The following DLGAP2 variants were observed in gnomAD, a reference collection of about 807,000 sequenced individuals.
DLGAP2 encodes disks large-associated protein 2.
Under a neutral mutation model 100.3 loss-of-function variants are expected in DLGAP2, and 26 were observed. The observed-to-expected ratio is 0.26, with a 90% CI of 0.19 to 0.36. The LOEUF (loss-of-function observed/expected upper bound fraction) is 0.36, where lower values mean the gene tolerates loss of function less well. Among genes scored for constraint, DLGAP2 ranks in the 10% least tolerant of loss-of-function variants. DLGAP2 has a pLI of 1.00. For missense variants in DLGAP2, 1,858 were observed against 1,453.2 expected (o/e 1.28, Z -4.53); for synonymous variants, 886 against 630.1 (o/e 1.41, Z -6.08).
chr8:1,570,154 A>C (rs1398549410), intron 6 of DLGAP2, among the ~76,000 whole-genome samples: 1 of 152,242 alleles, frequency 6.6e-6, no homozygotes, highest in African/African-American at 2.4e-5. Context: ...TCAGAAGCAC[A>C]TCATAGGGAC....
At chr8:1,356,063 C>A (rs1021610735) in intron 3 of DLGAP2, among the ~76,000 whole-genome samples, 31 of 152,206 alleles carry the variant, frequency 2.0e-4, no homozygotes, top group Admixed American at 2.0e-3. Context: ...ATGGGGCGGC[C>A]CTCACACTAC....
At chr8:805,886 C>T (rs1796259342) in intron 1 of DLGAP2, among the ~76,000 whole-genome samples, 1 of 152,230 alleles carries the variant, frequency 6.6e-6, no homozygotes. Context: ...GGATGTGGTC[C>T]AGGCTGGGAA....
At chr8:1,302,649 A>G (rs1331855068) in intron 3 of DLGAP2, 3 of 152,380 alleles carry the variant, frequency 2.0e-5, no homozygotes, top group South Asian at 2.1e-4. Flanking sequence ...GACTGGACTC[A>G]GCATTTTACG....
intron 6 of DLGAP2, among the ~76,000 whole-genome samples, chr8:1,584,001 G>A (rs374346376): frequency 1.1e-4 from 16 of 152,076 alleles, no homozygotes; most frequent in South Asian, 4.2e-4. Flanking sequence ...CTGGAGTTAC[G>A]TCCCCTGCAG....
chr8:1,206,580 A>G (rs1315748235), intron 2 of DLGAP2, among the ~76,000 whole-genome samples: 2 of 78,772 alleles, frequency 2.5e-5, no homozygotes, highest in Non-Finnish European at 4.8e-5. Context: ...GGGCGGGGGT[A>G]GACTGTGAGC....
chr8:1,489,599 C>T (rs145047484), intron 3 of DLGAP2, among the ~76,000 whole-genome samples: 185 of 152,216 alleles, frequency 1.2e-3, no homozygotes, highest in South Asian at 8.9e-3. Context: ...CTTAGGCATA[C>T]AGGTTGGTGG....
At chr8:1,505,376 A>G (rs539003092) in intron 4 of DLGAP2, among the ~76,000 whole-genome samples, 2 of 152,350 alleles carry the variant, frequency 1.3e-5, no homozygotes, top group African/African-American at 4.8e-5. Context: ...CCTATTTCAA[A>G]GCATCAATCT....
chr8:870,872 G>A (rs151069804), intron 1 of DLGAP2, among the ~76,000 whole-genome samples: 109 of 152,242 alleles, frequency 7.2e-4, no homozygotes, highest in African/African-American at 2.6e-3. Context: ...GACAGAACTC[G>A]GGAATCTGAG....
intron 8 of DLGAP2, among the ~76,000 whole-genome samples, chr8:1,644,366 C>CA (rs1797989588): frequency 6.6e-6 from 1 of 152,246 alleles, no homozygotes; most frequent in Non-Finnish European, 1.5e-5. Context: ...CCGGCCCCAC[C>CA]AGACGGCCCA....
chr8:1,051,252 A>T (rs1167117596), intron 2 of DLGAP2, among the ~76,000 whole-genome samples: 1 of 152,068 alleles, frequency 6.6e-6, no homozygotes, highest in Admixed American at 6.5e-5. Context: ...CAGAGGCCTC[A>T]TTGAAGGGAA....
chr8:1,109,592 CTG>C (rs1179375849), intron 2 of DLGAP2, among the ~76,000 whole-genome samples: 1 of 1,726 alleles, frequency 5.8e-4, no homozygotes, highest in African/African-American at 6.3e-3. Context: ...TGTGCTGGGT[CTG>C]TGATGTGTGC....
rs76576660 is a variant in DLGAP2, at chr8:1,671,766, G to A, written c.2202+1982G>A. 3.0e-4 allele frequency among the ~76,000 whole-genome samples: 46 copies of A among 152,288 alleles called. No homozygotes were observed. In the East Asian group the frequency reaches 6.2e-3, roughly 20 times the overall value. ...CCCTGTTCCTCAGATGTCTGGCCCC[G>A]GCCACCTGAGTCTGGCCCTTACAGC... On this transcript the variant is annotated intron_variant, in intron 10 of 14. Transcript: ENST00000637795.
chr8:1,421,050 A>T (rs1454752865), intron 3 of DLGAP2, among the ~76,000 whole-genome samples: 11 of 152,202 alleles, frequency 7.2e-5, no homozygotes, highest in Non-Finnish European at 1.5e-4. Flanking sequence ...CCCAACTCAG[A>T]ATAATACACT....
chr8:1,275,218 C>G (rs1317454361), intron 3 of DLGAP2, among the ~76,000 whole-genome samples: 1 of 152,102 alleles, frequency 6.6e-6, no homozygotes, highest in African/African-American at 2.4e-5. Flanking sequence ...AGGGAAAAAT[C>G]ATTCCTTTAC....
At chr8:1,630,986 G>A (rs12678980) in intron 7 of DLGAP2, among the ~76,000 whole-genome samples, 3,874 of 87,368 alleles carry the variant, frequency 0.044, 159 homozygotes, top group African/African-American at 0.12. Context: ...GGGAGGTCCG[G>A]GTGTCCCGAG....
intron 2 of DLGAP2, among the ~76,000 whole-genome samples, chr8:998,939 G>A (rs1035793846): frequency 8.5e-5 from 13 of 152,100 alleles, no homozygotes; most frequent in Non-Finnish European, 1.5e-4. Flanking sequence ...CACAGCTGCT[G>A]TTATCCTGAA....
intron 3 of DLGAP2, among the ~76,000 whole-genome samples, chr8:1,296,505 G>C (rs1800178654): frequency 6.6e-6 from 1 of 150,990 alleles, no homozygotes; most frequent in Non-Finnish European, 1.5e-5. Flanking sequence ...GAGCCTTGGT[G>C]CTCGTGCTGA....
intron 1 of DLGAP2, among the ~76,000 whole-genome samples, chr8:863,289 G>A (rs182227363): frequency 6.0e-4 from 91 of 152,264 alleles, no homozygotes; most frequent in African/African-American, 2.1e-3. Context: ...CCAATGACAT[G>A]GATTTCCTTG....
chr8:1,319,714 G>C (rs1800851325), intron 3 of DLGAP2, among the ~76,000 whole-genome samples: 1 of 152,172 alleles, frequency 6.6e-6, no homozygotes, highest in Admixed American at 6.5e-5. Flanking sequence ...AAAGATGTCA[G>C]AACGATGGGA....
Sources: allele counts gnomAD v4.1 joint callset (sites outside exome capture counted in the v4.1 genomes callset), GRCh38; gene constraint gnomAD v4.1.1; transcripts MANE v1.5; gene names NCBI Gene and HGNC (gene_info 2026-07-23, HGNC 2026-07-21).